The following PTPRR variants were observed in gnomAD, a reference collection of about 807,000 sequenced individuals.
PTPRR encodes the protein protein tyrosine phosphatase receptor type R.
In PTPRR, 38 loss-of-function variants were observed where a neutral mutation model predicts 77.2. The ratio of observed to expected loss-of-function variants is 0.49; its 90% CI spans 0.38 to 0.65. The LOEUF is 0.65. PTPRR is among the 30% of genes least tolerant of loss of function. PTPRR has a pLI of 0.00. For missense variants in PTPRR, 744 were observed against 799.2 expected, an observed-to-expected ratio of 0.93 and a Z score of 0.83; for synonymous variants, 299 against 283.1, an observed-to-expected ratio of 1.06 and a Z score of -0.57.
At chr12:70,684,396 AG>A in intron 9 of PTPRR, 132 bp from the exon 10 acceptor site, 1 of 944,950 alleles carries the variant, frequency 1.1e-6, no homozygotes, top group Non-Finnish European at 1.6e-6. Context: ...CACTGACTCT[AG>A]TACAACAATT....
intron 6 of PTPRR, among the ~76,000 whole-genome samples, chr12:70,728,151 C>T (rs1262255924): frequency 1.3e-5 from 2 of 150,936 alleles, no homozygotes; most frequent in Non-Finnish European, 1.5e-5. Flanking sequence ...GTTGAGTATC[C>T]CTGTATCCCT....
At chr12:70,645,414 T>C (rs1346494713) in intron 13 of PTPRR, among the ~76,000 whole-genome samples, 1 of 152,216 alleles carries the variant, frequency 6.6e-6, no homozygotes, top group Non-Finnish European at 1.5e-5. Context: ...ATTTTTCTTA[T>C]TCTTAGTTAA....
chr12:70,762,583 A>G (rs1890718131), intron 3 of PTPRR, among the ~76,000 whole-genome samples: 1 of 152,222 alleles, frequency 6.6e-6, no homozygotes, highest in South Asian at 2.1e-4. Context: ...ATAACAATTT[A>G]AATAGTTTGT....
chr12:70,724,628 T>G (rs749059834), intron 6 of PTPRR, among the ~76,000 whole-genome samples: 38 of 152,134 alleles, frequency 2.5e-4, no homozygotes, highest in Non-Finnish European at 4.3e-4. Context: ...TAGTGATATA[T>G]TCTCAGGTTG....
intron 2 of PTPRR, among the ~76,000 whole-genome samples, chr12:70,883,820 T>C (rs563502346): frequency 6.6e-6 from 1 of 152,358 alleles, no homozygotes; most frequent in East Asian, 1.9e-4. Flanking sequence ...TGAAATCTTT[T>C]GAGTGGTCAA....
chr12:70,642,693 G>C (rs1217885521), intron 13 of PTPRR, among the ~76,000 whole-genome samples: 1 of 152,104 alleles, frequency 6.6e-6, no homozygotes, highest in East Asian at 1.9e-4. Flanking sequence ...AATTACCCAG[G>C]TCATGCTATT....
chr12:70,843,902 G>T (rs1892439837), intron 2 of PTPRR, among the ~76,000 whole-genome samples: 1 of 144,656 alleles, frequency 6.9e-6, no homozygotes, highest in African/African-American at 2.6e-5. Context: ...TGCAACACCT[G>T]CCTCCCAGGT....
chr12:70,867,645 C>G (rs1892879189), intron 2 of PTPRR, among the ~76,000 whole-genome samples: 1 of 151,988 alleles, frequency 6.6e-6, no homozygotes, highest in Non-Finnish European at 1.5e-5. Context: ...CCATCCCCAT[C>G]AAGCTACCAA....
chr12:70,733,408 A>C (rs1889731456), intron 6 of PTPRR, among the ~76,000 whole-genome samples: 1 of 145,902 alleles, frequency 6.9e-6, no homozygotes, highest in Non-Finnish European at 1.5e-5. Context: ...GTCATAAAAA[A>C]AATACAAACA....
chr12:70,763,128 CT>C (rs975068894), intron 3 of PTPRR, among the ~76,000 whole-genome samples: 20 of 150,020 alleles, frequency 1.3e-4, no homozygotes, highest in African/African-American at 3.7e-4. Flanking sequence ...AGATCCAAGA[CT>C]TTTTTTCTTT....
rs1592645419 is a variant in PTPRR at position 70,661,111 on chromosome 12, C to G, written c.1609-14G>C. 6.3e-7 allele frequency: 1 copy of G among 1,598,694 alleles called. No individual in the cohort carries two copies. On this transcript the variant is annotated splice_polypyrimidine_tract_variant and intron_variant, in intron 11 of 13. Coordinates refer to ENST00000283228, the MANE Select transcript of PTPRR (RefSeq NM_002849.4). ...GTGGCTTCCTTGCTGAAAATAGCAA[C>G]AGCCACCAAATGCCTCATTCACTTG...
intron 5 of PTPRR, among the ~76,000 whole-genome samples, chr12:70,750,970 G>T (rs997416748): frequency 6.6e-6 from 1 of 151,688 alleles, no homozygotes. Context: ...AGACCCCTGG[G>T]CTTATGCAAT....
At chr12:70,775,733 C>T (rs970529232) in intron 2 of PTPRR, among the ~76,000 whole-genome samples, 2 of 152,024 alleles carry the variant, frequency 1.3e-5, no homozygotes, top group African/African-American at 4.8e-5. Context: ...CCTTTTGGAC[C>T]AAAAGCTTGC....
intron 2 of PTPRR, among the ~76,000 whole-genome samples, chr12:70,851,493 C>G (rs1377880507): frequency 6.6e-6 from 1 of 152,064 alleles, no homozygotes; most frequent in Non-Finnish European, 1.5e-5. Flanking sequence ...AGATATGGCA[C>G]TTTCTTACTA....
intron 2 of PTPRR, among the ~76,000 whole-genome samples, chr12:70,767,031 G>T (rs1307958853): frequency 6.6e-6 from 1 of 151,880 alleles, no homozygotes; most frequent in African/African-American, 2.4e-5. Context: ...ACATGGAAAG[G>T]AACAACCGGT....
At chr12:70,681,023 G>A (rs1887638253) in intron 10 of PTPRR, among the ~76,000 whole-genome samples, 1 of 152,164 alleles carries the variant, frequency 6.6e-6, no homozygotes, top group African/African-American at 2.4e-5. Context: ...GGTGCTATAT[G>A]GGCTTCATGG....
chr12:70,713,051 C>G (rs531537477), intron 6 of PTPRR, among the ~76,000 whole-genome samples: 16 of 152,286 alleles, frequency 1.1e-4, no homozygotes, highest in African/African-American at 3.8e-4. Context: ...CTGTATTTCT[C>G]TCTCTCTCCA....
intron 1 of PTPRR, among the ~76,000 whole-genome samples, chr12:70,907,928 A>G (rs746109132): frequency 6.6e-6 from 1 of 152,236 alleles, no homozygotes; most frequent in African/African-American, 2.4e-5. Flanking sequence ...TAGAAAGCTA[A>G]GACTGCAGAA....
intron 10 of PTPRR, among the ~76,000 whole-genome samples, chr12:70,667,820 T>A (rs1887066916): frequency 6.6e-6 from 1 of 151,986 alleles, no homozygotes; most frequent in African/African-American, 2.4e-5. Flanking sequence ...ACTCCCACAA[T>A]AATACCTTCT....
Sources: gnomAD v4.1 joint callset for allele counts (sites outside exome capture counted in the v4.1 genomes callset) on GRCh38, gnomAD v4.1.1 for gene constraint, MANE v1.5 for transcripts, NCBI Gene and HGNC (gene_info 2026-07-23, HGNC 2026-07-21) for gene names.